Variants in CCBE1 observed in about 807,000 individuals in gnomAD.
CCBE1 encodes collagen and calcium-binding EGF domain-containing protein 1.
A neutral mutation model predicts 50.0 loss-of-function variants in CCBE1; 37 were observed. The observed-to-expected ratio is 0.74, with a 90% CI of 0.57 to 0.97. The LOEUF is 0.97. CCBE1 is among the 50% of genes least tolerant of loss of function. The pLI is 0.00. For synonymous variants in CCBE1, 234 were observed against 203.7 expected (o/e 1.15, Z -1.27); for missense variants, 538 against 523.8 (o/e 1.03, Z -0.26).
At chr18:59,697,138 G>A in intron 1 of CCBE1, 74 bp downstream of exon 1, 1 of 1,540,460 alleles carries the variant, frequency 6.5e-7, no homozygotes, top group South Asian at 1.2e-5. Flanking sequence ...GCGCCGGGGA[G>A]GACCGCCCGC....
intron 2 of CCBE1, among the ~76,000 whole-genome samples, chr18:59,524,036 T>C (rs112842349): frequency 0.023 from 3,528 of 152,300 alleles, 114 homozygotes; most frequent in African/African-American, 0.079. Flanking sequence ...AAAGCATTAT[T>C]CAGGCCGGGC....
At chr18:59,462,044 A>G (rs1418255827) in intron 5 of CCBE1, among the ~76,000 whole-genome samples, 1 of 152,016 alleles carries the variant, frequency 6.6e-6, no homozygotes, top group Non-Finnish European at 1.5e-5. Context: ...GCCAAGTGTC[A>G]TCTTTTGCAA....
chr18:59,596,580 C>T (rs185267006), intron 2 of CCBE1, among the ~76,000 whole-genome samples: 1 of 152,304 alleles, frequency 6.6e-6, no homozygotes, highest in African/African-American at 2.4e-5. Context: ...GTCTTAACTA[C>T]AGAAGCCAAA....
Position 59,543,873 on chromosome 18 carries a change from GC to G in CCBE1, c.213-63636del, listed in dbSNP as rs1464230387. On this transcript the variant is annotated intron_variant, in intron 2 of 10. Transcript: ENST00000439986. ...AAAAAAAAAAACAGAAAACACTAAT[GC>G]GAGAATCAGAAAGCAATGAGAGGGA... is the stretch of plus-strand genomic sequence containing the variant. Among the ~76,000 whole-genome samples the G allele has an allele frequency of 2.1e-5, 3 of 144,904 alleles. No homozygotes were observed. In the East Asian group the frequency reaches 6.1e-4, roughly 29 times the overall value.
At chr18:59,455,403 G>A (rs1168007746) in intron 5 of CCBE1, among the ~76,000 whole-genome samples, 1 of 152,146 alleles carries the variant, frequency 6.6e-6, no homozygotes, top group African/African-American at 2.4e-5. Context: ...TTCTTCAAAG[G>A]GAGCACAGCA....
rs527962255 is a variant in CCBE1 at position 59,624,524 on chromosome 18, A to G, written c.212+72105T>C. Among the ~76,000 whole-genome samples, 19 of 152,332 alleles carry G rather than the reference A, an allele frequency of 1.2e-4. No individual in the cohort carries two copies. In the South Asian group the frequency reaches 3.9e-3, roughly 32 times the overall value. On this transcript the variant is annotated intron_variant, in intron 2 of 10. Transcript: ENST00000439986. ...TCAATATACTCCAGGGACTAAGACA[A>G]CAAAATAGAGTTAGGCTTCCTGCCA...
At chr18:59,657,889 AAAC>A (rs142001390) in intron 2 of CCBE1, among the ~76,000 whole-genome samples, 13 of 146,228 alleles carry the variant, frequency 8.9e-5, no homozygotes, top group East Asian at 2.0e-4. Flanking sequence ...AAACAACAAC[AAAC>A]AACAACAACA....
intron 2 of CCBE1, among the ~76,000 whole-genome samples, chr18:59,488,784 A>T (rs1479054186): frequency 1.3e-5 from 2 of 152,156 alleles, no homozygotes; most frequent in Non-Finnish European, 2.9e-5. Context: ...GGGTTACATG[A>T]GTTTAAAGGC....
intron 2 of CCBE1, among the ~76,000 whole-genome samples, chr18:59,551,635 T>C (rs1215141064): frequency 4.6e-5 from 7 of 152,248 alleles, no homozygotes; most frequent in Non-Finnish European, 1.0e-4. Flanking sequence ...ATACTAATTA[T>C]TTTTTCACTA....
intron 2 of CCBE1, among the ~76,000 whole-genome samples, chr18:59,691,001 A>G (rs913837680): frequency 1.3e-5 from 2 of 152,242 alleles, no homozygotes; most frequent in East Asian, 1.9e-4. Context: ...CTTGGAACCA[A>G]TGAAAATAAT....
intron 2 of CCBE1, among the ~76,000 whole-genome samples, chr18:59,652,298 A>C (rs190916667): frequency 6.0e-4 from 91 of 152,312 alleles, no homozygotes; most frequent in African/African-American, 2.1e-3. Flanking sequence ...CAGCCAACTC[A>C]TGGGTTACAC....
intron 2 of CCBE1, among the ~76,000 whole-genome samples, chr18:59,669,641 G>T (rs1047506218): frequency 5.9e-5 from 9 of 152,240 alleles, no homozygotes; most frequent in African/African-American, 1.7e-4. Flanking sequence ...TTAGACTGGA[G>T]GAACACCCGC....
chr18:59,602,746 C>T (rs2053449514), intron 2 of CCBE1, among the ~76,000 whole-genome samples: 1 of 152,108 alleles, frequency 6.6e-6, no homozygotes, highest in Non-Finnish European at 1.5e-5. Context: ...GGGAAGAGGA[C>T]CCCACAGAGA....
intron 1 of CCBE1, among the ~76,000 whole-genome samples, 176 bp downstream of exon 1, chr18:59,697,036 T>A (rs976783757): frequency 4.6e-5 from 7 of 152,114 alleles, no homozygotes; most frequent in Admixed American, 3.9e-4. Context: ...CAAAGGCTGA[T>A]ACCCGGGAGC....
In CCBE1 at chr18:59,696,620, C is replaced by A. The variant is rs770000765; in HGVS notation, c.212+9G>T. On this transcript the variant is annotated intron_variant, in intron 2 of 10. Transcript: ENST00000439986. ...AGTGGCGAACAGCCCGCAGAGCCCC[C>A]AGGCTTACCTGTAGCATGTGGTGAG... is the stretch of plus-strand genomic sequence containing the variant. 2 of 1,613,760 alleles carry A rather than the reference C, an allele frequency of 1.2e-6. No individual in the cohort carries two copies. The highest frequency in any genetic ancestry group is 1.1e-5 in the South Asian group (1 of 91,070).
chr18:59,694,063 G>A (rs1407255435), intron 2 of CCBE1, among the ~76,000 whole-genome samples: 4 of 151,476 alleles, frequency 2.6e-5, no homozygotes, highest in Non-Finnish European at 4.4e-5. Context: ...GTAGAGACGG[G>A]GTTTTATCAT....
intron 2 of CCBE1, among the ~76,000 whole-genome samples, chr18:59,640,304 A>G (rs189559506): frequency 6.6e-6 from 1 of 152,308 alleles, no homozygotes; most frequent in East Asian, 1.9e-4. Context: ...ATGGAACAGA[A>G]TAGAGAGCCC....
At chr18:59,456,030 G>A (rs1239351541) in intron 5 of CCBE1, among the ~76,000 whole-genome samples, 1 of 152,148 alleles carries the variant, frequency 6.6e-6, no homozygotes, top group Non-Finnish European at 1.5e-5. Flanking sequence ...AAAGCCCTCT[G>A]TTCCATCTCC....
intron 2 of CCBE1, among the ~76,000 whole-genome samples, chr18:59,541,211 TA>T (rs1246686429): frequency 1.3e-5 from 2 of 152,222 alleles, no homozygotes; most frequent in African/African-American, 4.8e-5. Flanking sequence ...TTGAATTAAG[TA>T]GAATTGTTTT....
Sources: gnomAD v4.1 joint callset for allele counts (sites outside exome capture counted in the v4.1 genomes callset) on GRCh38, gnomAD v4.1.1 for gene constraint, MANE v1.5 for transcripts, NCBI Gene and HGNC (gene_info 2026-07-23, HGNC 2026-07-21) for gene names.